GRK7: variants seen among roughly 807,000 people sequenced by gnomAD.
GRK7 encodes G protein-coupled receptor kinase 7, also known as rhodopsin kinase GRK7.
Under a neutral mutation model 34.1 loss-of-function variants are expected in GRK7, and 24 were observed. The ratio of observed to expected loss-of-function variants is 0.70; its 90% CI spans 0.51 to 0.99. GRK7 has a LOEUF of 0.99. Among genes scored for constraint, GRK7 ranks in the 50% least tolerant of loss-of-function variants. The pLI, the probability that GRK7 is intolerant of heterozygous loss-of-function variation, is 0.00. For missense variants in GRK7, 644 were observed against 707.3 expected, an observed-to-expected ratio of 0.91 and a Z score of 1.02; for synonymous variants, 256 against 279.4, an observed-to-expected ratio of 0.92 and a Z score of 0.84.
intron 4 of GRK7, among the ~76,000 whole-genome samples, chr3:141,781,589 A>G (rs760331569): frequency 6.6e-6 from 1 of 152,084 alleles, no homozygotes; most frequent in Non-Finnish European, 1.5e-5. Context: ...TAAAGAAAGA[A>G]GGAAAAAGAA....
chr3:141,784,681 G>A (rs1027542116), intron 4 of GRK7, among the ~76,000 whole-genome samples: 3 of 152,102 alleles, frequency 2.0e-5, no homozygotes, highest in African/African-American at 4.8e-5. Flanking sequence ...AACCACTAAC[G>A]TTCAGTTGTG....
chr3:141,767,676 C>T (rs1352527152), intron 1 of GRK7, among the ~76,000 whole-genome samples: 4 of 152,110 alleles, frequency 2.6e-5, no homozygotes, highest in African/African-American at 9.7e-5. Flanking sequence ...ACTGGGATTA[C>T]AGGCGTGAGC....
At chr3:141,757,235 G>C in the GRK7 span, among the ~76,000 whole-genome samples, 2 of 149,798 alleles carry the variant, frequency 1.3e-5, no homozygotes, top group Admixed American at 6.7e-5. Flanking sequence ...TGCCATGCTG[G>C]TGCGCTGCAC....
intron 4 of GRK7, among the ~76,000 whole-genome samples, chr3:141,795,928 G>T (rs1324219643): frequency 6.6e-6 from 1 of 152,158 alleles, no homozygotes; most frequent in African/African-American, 2.4e-5. Context: ...GGGCCAGGGG[G>T]TCTGCAGGAT....
chr3:141,779,031 C>A, intron 3 of GRK7, 135 bp downstream of exon 3: 1 of 850,728 alleles, frequency 1.2e-6, no homozygotes, highest in Non-Finnish European at 1.8e-6. Context: ...CTAGCCCCGT[C>A]TCCCCAGCCC....
chr3:141,808,432 A>G (rs1175539712), intron 5 of GRK7, among the ~76,000 whole-genome samples: 1 of 152,170 alleles, frequency 6.6e-6, no homozygotes, highest in Non-Finnish European at 1.5e-5. Flanking sequence ...AGAAAGTAGA[A>G]GGCCGGGCAG....
chr3:141,756,370 A>C, the GRK7 span, among the ~76,000 whole-genome samples: 1 of 152,024 alleles, frequency 6.6e-6, no homozygotes, highest in Non-Finnish European at 1.5e-5. Flanking sequence ...AGCCTGGCTG[A>C]ATCTTTATAA....
At chr3:141,753,207 T>TGC in the GRK7 span, among the ~76,000 whole-genome samples, 3 of 152,338 alleles carry the variant, frequency 2.0e-5, no homozygotes, top group African/African-American at 2.4e-5. Context: ...CCTCCAAAAT[T>TGC]GCTTTTTTAA....
chr3:141,806,805 G>A (rs1458263710), intron 4 of GRK7, among the ~76,000 whole-genome samples: 2 of 151,910 alleles, frequency 1.3e-5, no homozygotes, highest in Non-Finnish European at 2.9e-5. Flanking sequence ...TCTGGAGATT[G>A]GTTGCACAAC....
chr3:141,788,062 C>T (rs553406849), intron 4 of GRK7, among the ~76,000 whole-genome samples: 1 of 152,172 alleles, frequency 6.6e-6, no homozygotes, highest in African/African-American at 2.4e-5. Context: ...TACCTACTGC[C>T]TATTTTAATA....
intron 4 of GRK7, among the ~76,000 whole-genome samples, chr3:141,784,711 G>A (rs2084687588): frequency 6.6e-6 from 1 of 152,182 alleles, no homozygotes. Flanking sequence ...TACTGTGTTA[G>A]AGAATTACTG....
At chr3:141,753,592 G>A in the GRK7 span, among the ~76,000 whole-genome samples, 1 of 152,322 alleles carries the variant, frequency 6.6e-6, no homozygotes, top group East Asian at 1.9e-4. Flanking sequence ...AGGAGGCAGA[G>A]CTCAGGCAGT....
chr3:141,810,737 G>A (rs111247948), intron 5 of GRK7, among the ~76,000 whole-genome samples: 4 of 152,060 alleles, frequency 2.6e-5, no homozygotes, highest in East Asian at 1.9e-4. Flanking sequence ...GGATGGTCTC[G>A]ATCCCACACA....
At chr3:141,750,103 T>A in the GRK7 span, among the ~76,000 whole-genome samples, 1 of 152,242 alleles carries the variant, frequency 6.6e-6, no homozygotes, top group Non-Finnish European at 1.5e-5. Flanking sequence ...AAATTAACCT[T>A]TTTCTATTAG....
Position 141,807,907 on chromosome 3 carries a change from G to T in GRK7, c.1313G>T (p.Arg438Leu), listed in dbSNP as rs747965204. 6.3e-7 allele frequency: 1 copy of T among 1,586,558 alleles called. No homozygotes were observed. Among genetic ancestry groups the T allele is most frequent in the Middle Eastern group, 1.7e-4 (1 of 5,914 alleles). The change falls in exon 5 of 6, where the codon CGC becomes CTC. Residue 438 changes from arginine to leucine, a missense_variant. Arg to Leu is a moderately radical substitution (Grantham distance 102). Coordinates refer to ENST00000682958, the MANE Select transcript of GRK7 (RefSeq NM_139209.3). ...TTCTTGGCTAAGAAACCAGAGCAAC[G>T]CTTAGGAAGCAGGTAAACTAGCATG... ...RLFLAKKPEQRLGSREKSDDP... is the reference protein window; with the variant it reads ...RLFLAKKPEQLLGSREKSDDP...
intron 4 of GRK7, among the ~76,000 whole-genome samples, chr3:141,783,396 C>G (rs2084680990): frequency 1.3e-5 from 2 of 152,202 alleles, no homozygotes; most frequent in Non-Finnish European, 2.9e-5. Context: ...AGATGTGGAA[C>G]TTGAGGCAGG....
In GRK7 at chr3:141,818,747, C is replaced by A. The variant is rs925224274; in HGVS notation, c.*1697C>A. Among the ~76,000 whole-genome samples, 1 of 152,112 alleles carries A rather than the reference C, an allele frequency of 6.6e-6. No individual in the cohort carries two copies. The highest frequency in any genetic ancestry group is 2.4e-5 in the African/African-American group (1 of 41,414). ...GTGGTAAAAAAAACCTGGCTGAAGT[C>A]AGTTTAAAAGTTTTGTCCCTTGAGT... On this transcript the variant is annotated 3_prime_UTR_variant, in exon 6 of 6. Coordinates refer to ENST00000682958, the MANE Select transcript of GRK7 (RefSeq NM_139209.3).
chr3:141,771,910 C>G (rs1390672875), intron 1 of GRK7, among the ~76,000 whole-genome samples: 1 of 151,638 alleles, frequency 6.6e-6, no homozygotes, highest in Non-Finnish European at 1.5e-5. Flanking sequence ...GTCTCAAACT[C>G]CTGACCTCAG....
Position 141,817,314 on chromosome 3 carries a change from C to T in GRK7, c.*264C>T. Reference sequence around the variant, plus strand: ...TATTTTGATAAACTGAAAGCATCAGCCTTTTACCATCATGTCCCTGTGTAT... The same window carrying T: ...TATTTTGATAAACTGAAAGCATCAGTCTTTTACCATCATGTCCCTGTGTAT... On this transcript the variant is annotated 3_prime_UTR_variant, in exon 6 of 6. Coordinates refer to ENST00000682958, the MANE Select transcript of GRK7 (RefSeq NM_139209.3). The T allele has an allele frequency of 2.7e-6, 1 of 366,572 alleles. No homozygotes were observed. The highest frequency in any genetic ancestry group is 4.9e-6 in the Non-Finnish European group (1 of 204,244). The allele number at this position is 366,572 out of a possible 1,614,324, so 22.7% of individuals were successfully genotyped here.
Sources: gnomAD v4.1 joint callset for allele counts (sites outside exome capture counted in the v4.1 genomes callset) on GRCh38, gnomAD v4.1.1 for gene constraint, MANE v1.5 for transcripts, NCBI Gene and HGNC (gene_info 2026-07-23, HGNC 2026-07-21) for gene names.